Variants in TBC1D12 observed in about 807,000 individuals in gnomAD.
The protein encoded by TBC1D12 is TBC1 domain family member 12.
TBC1D12 carries 56 observed loss-of-function variants against 86.7 expected under a neutral mutation model. The ratio of observed to expected loss-of-function variants is 0.65; its 90% confidence interval spans 0.52 to 0.81. The LOEUF (loss-of-function observed/expected upper bound fraction) is 0.81, where lower values mean the gene tolerates loss of function less well. TBC1D12 is among the 30% of genes least tolerant of loss of function. The probability of loss-of-function intolerance (pLI) is 0.00; values close to 1 mark genes in which losing one functional copy is unlikely to be tolerated. For synonymous variants in TBC1D12, 421 were observed against 411.7 expected (o/e 1.02, Z -0.27); for missense variants, 1,023 against 1,038.8 (o/e 0.98, Z 0.21).
At chr10:94,470,898 G>A (rs1564963314) in intron 2 of TBC1D12, among the ~76,000 whole-genome samples, 1 of 151,958 alleles carries the variant, frequency 6.6e-6, no homozygotes, top group Non-Finnish European at 1.5e-5. Context: ...GAAATTTACA[G>A]CACTTTTATG....
At chr10:94,468,367 T>A (rs2055854424) in intron 2 of TBC1D12, among the ~76,000 whole-genome samples, 1 of 152,234 alleles carries the variant, frequency 6.6e-6, no homozygotes, top group South Asian at 2.1e-4. Context: ...GCTGGTCTAC[T>A]GACAACAAAT....
intron 2 of TBC1D12, among the ~76,000 whole-genome samples, chr10:94,466,114 A>C (rs924572037): frequency 2.0e-5 from 3 of 152,028 alleles, no homozygotes; most frequent in African/African-American, 4.8e-5. Context: ...TCTTATAAAT[A>C]GCATATAGTT....
At chr10:94,511,688 A>G in intron 9 of TBC1D12, 34 bp downstream of exon 9, 1 of 1,447,206 alleles carries the variant, frequency 6.9e-7, no homozygotes, top group Non-Finnish European at 9.7e-7. Context: ...TTTTGAATAT[A>G]AGCATTTTAT....
At chr10:94,469,917 C>G (rs779520937) in intron 2 of TBC1D12, among the ~76,000 whole-genome samples, 1 of 152,180 alleles carries the variant, frequency 6.6e-6, no homozygotes, top group Non-Finnish European at 1.5e-5. Context: ...TCAGGCTCAT[C>G]TTGTTTGTTC....
chr10:94,523,192 CAAAAAAA>C (rs33935088), intron 11 of TBC1D12, among the ~76,000 whole-genome samples: 41 of 44,076 alleles, frequency 9.3e-4, no homozygotes, highest in Non-Finnish European at 8.4e-4. Context: ...AACTCTATCT[CAAAAAAA>C]AAAAAAAAAA....
chr10:94,419,407 G>A (rs1170234403), intron 1 of TBC1D12, among the ~76,000 whole-genome samples: 1 of 152,090 alleles, frequency 6.6e-6, no homozygotes, highest in Non-Finnish European at 1.5e-5. Flanking sequence ...GGGTGCGGTG[G>A]CTTACGCCTG....
chr10:94,531,772 A>ATTT (rs1842431380), intron 12 of TBC1D12, among the ~76,000 whole-genome samples: 1 of 129,524 alleles, frequency 7.7e-6, no homozygotes, highest in Admixed American at 7.5e-5. Context: ...ATTTTATTTT[A>ATTT]TGTTATTTTA....
chr10:94,535,817 G>A lies in TBC1D12; in HGVS notation c.*2721G>A, dbSNP rs1182929319. On this transcript the variant is annotated 3_prime_UTR_variant, in exon 13 of 13. Transcript: ENST00000225235. ...TTGTTTTTCTTATTTTTTTATTATT[G>A]TACAGTTTCTTTACCTTTCAAGTAT... The A allele has an allele frequency of 3.3e-5, 5 of 151,602 alleles. No homozygotes were observed. In the South Asian group the frequency reaches 1.0e-3, roughly 32 times the overall value. 9.4% of individuals were successfully genotyped at this position (151,602 alleles called of 1,614,324 possible). A position where few individuals can be genotyped will look rare whatever the true frequency, so the allele number is the denominator to read the frequency against.
intron 9 of TBC1D12, among the ~76,000 whole-genome samples, chr10:94,518,105 G>A (rs1227494008): frequency 1.3e-5 from 2 of 152,100 alleles, no homozygotes; most frequent in African/African-American, 4.8e-5. Context: ...AGTGAGCCGA[G>A]ATCCCGCCAC....
Position 94,402,874 on chromosome 10 carries a change from C to T in TBC1D12, c.261C>T (p.Tyr87=). The change falls in exon 1 of 13, where the codon TAC becomes TAT. Residue 87 remains tyrosine, a synonymous_variant. Coordinates refer to ENST00000225235, the MANE Select transcript of TBC1D12 (RefSeq NM_015188.2). ...AGCAGCTGGAGCCGGGGCTCTGCTA[C>T]TGTCCGCTCCCCGCTGGCCAGGCCG... The part of the protein sequence containing the change: ...AGEQLEPGLC[Y]CPLPAGQAGA... The T allele has an allele frequency of 6.6e-7, 1 of 1,512,686 alleles. No homozygotes were observed. The highest frequency in any genetic ancestry group is 8.8e-7 in the Non-Finnish European group (1 of 1,134,420). 93.7% of individuals were successfully genotyped at this position (1,512,686 alleles called of 1,614,324 possible). A position where few individuals can be genotyped will look rare whatever the true frequency, so the allele number is the denominator to read the frequency against.
intron 3 of TBC1D12, among the ~76,000 whole-genome samples, chr10:94,488,690 C>T (rs868290261): frequency 5.3e-5 from 8 of 151,502 alleles, no homozygotes; most frequent in Middle Eastern, 3.2e-3. Flanking sequence ...CCGGTCCGGC[C>T]TCCAAGGGGT....
At position 94,439,666 on chromosome 10, in the gene TBC1D12, T is replaced by C. The variant is rs557351980; in HGVS notation, c.972-2230T>C. ...ACAGGAGAGCCCCTTTCTCCTTCAGTGTCCCTTTGGTGCCCTCTACCCAGA... is the reference window on the plus strand; with the variant it reads ...ACAGGAGAGCCCCTTTCTCCTTCAGCGTCCCTTTGGTGCCCTCTACCCAGA... On this transcript the variant is annotated intron_variant, in intron 1 of 12. Coordinates refer to ENST00000225235, the MANE Select transcript of TBC1D12 (RefSeq NM_015188.2). Among the ~76,000 whole-genome samples the C allele has an allele frequency of 2.0e-5, 3 of 152,342 alleles. No individual in the cohort carries two copies. The East Asian group carries it at 5.8e-4, about 29-fold the overall frequency.
intron 8 of TBC1D12, among the ~76,000 whole-genome samples, chr10:94,511,157 G>A (rs2056522046): frequency 7.0e-6 from 1 of 141,882 alleles, no homozygotes; most frequent in East Asian, 2.1e-4. Flanking sequence ...GAGTGCAGTG[G>A]CACAGTCCTG....
intron 2 of TBC1D12, among the ~76,000 whole-genome samples, chr10:94,449,953 G>A (rs1271504777): frequency 1.3e-5 from 2 of 152,068 alleles, no homozygotes; most frequent in Non-Finnish European, 1.5e-5. Flanking sequence ...GCTACAAAAC[G>A]CAAGGCATCA....
chr10:94,456,822 T>C (rs2055633805), intron 2 of TBC1D12, among the ~76,000 whole-genome samples: 1 of 152,236 alleles, frequency 6.6e-6, no homozygotes, highest in South Asian at 2.1e-4. Flanking sequence ...TCTATCCGTT[T>C]TTGCCTCATG....
At chr10:94,509,844 C>T in intron 7 of TBC1D12, 1 of 407,554 alleles carries the variant, frequency 2.5e-6, no homozygotes, top group Non-Finnish European at 4.3e-6. Context: ...TGATGGTCTG[C>T]CCATATCTTC....
At chr10:94,475,936 T>TTTTAA (rs1433427772) in intron 3 of TBC1D12, among the ~76,000 whole-genome samples, 3 of 152,020 alleles carry the variant, frequency 2.0e-5, no homozygotes, top group African/African-American at 7.2e-5. Context: ...CTCTCTTTCT[T>TTTTAA]TTTAATTTAA....
At chr10:94,453,831 G>C (rs918352681) in intron 2 of TBC1D12, among the ~76,000 whole-genome samples, 2 of 151,816 alleles carry the variant, frequency 1.3e-5, no homozygotes, top group African/African-American at 4.8e-5. Flanking sequence ...TTTTTTTCAT[G>C]TCGATGTCCA....
In TBC1D12 at chr10:94,457,135, C is replaced by T. The variant is rs2055639684; in HGVS notation, c.1095+15116C>T. On this transcript the variant is annotated intron_variant, in intron 2 of 12. Coordinates refer to ENST00000225235, the MANE Select transcript of TBC1D12 (RefSeq NM_015188.2). ...TAAGTTCCAGGATACATGTGCTGAC[C>T]TTGCAGGTTTGTTACGTAGGTATGC... 3.3e-5 allele frequency among the ~76,000 whole-genome samples: 5 copies of T among 152,074 alleles called. No individual in the cohort carries two copies. The South Asian group carries it at 1.0e-3, about 32-fold the overall frequency.
Sources: gnomAD v4.1 joint callset for allele counts (sites outside exome capture counted in the v4.1 genomes callset) on GRCh38, gnomAD v4.1.1 for gene constraint, MANE v1.5 for transcripts, NCBI Gene and HGNC (gene_info 2026-07-23, HGNC 2026-07-21) for gene names.